The following RPS6KA2 variants were observed in gnomAD, a reference collection of about 807,000 sequenced individuals.
The protein encoded by RPS6KA2 is ribosomal protein S6 kinase A2.
RPS6KA2 carries 42 observed loss-of-function variants against 91.8 expected under a neutral mutation model. That is an observed-to-expected ratio of 0.46 (90% CI 0.36 to 0.59). The LOEUF is 0.59. Among genes scored for constraint, RPS6KA2 ranks in the 20% least tolerant of loss-of-function variants. The pLI, the probability that RPS6KA2 is intolerant of heterozygous loss-of-function variation, is 0.00. For missense variants in RPS6KA2, 798 were observed against 978.5 expected (o/e 0.82, Z 2.46); for synonymous variants, 414 against 393.6 (o/e 1.05, Z -0.61).
At chr6:166,487,893 C>A (rs185918329) in intron 10 of RPS6KA2, among the ~76,000 whole-genome samples, 1 of 152,318 alleles carries the variant, frequency 6.6e-6, no homozygotes, top group East Asian at 1.9e-4. Flanking sequence ...CACTTTCAAT[C>A]ACTGAAGGAT....
Position 166,418,553 on chromosome 6 carries a change from G to A in RPS6KA2, c.1821-211C>T, listed in dbSNP as rs955476129. ...AGCAATTGGGTGGCTAGAGGTTGATGGGCAAGTGGGAGAGCCCTGTGAGAC... is the reference window on the plus strand; with the variant it reads ...AGCAATTGGGTGGCTAGAGGTTGATAGGCAAGTGGGAGAGCCCTGTGAGAC... On this transcript the variant is annotated intron_variant, in intron 18 of 20. Transcript: ENST00000265678. This position sits in a 1 kb window ranked among gnomAD's most constrained non-coding sequence, Gnocchi z 4.9. Among the ~76,000 whole-genome samples, 2 of 152,194 alleles carry A rather than the reference G, an allele frequency of 1.3e-5. No individual in the cohort carries two copies. The highest frequency in any genetic ancestry group is 2.4e-5 in the African/African-American group (1 of 41,440).
At chr6:166,510,990 C>T (rs1203600735) in intron 3 of RPS6KA2, among the ~76,000 whole-genome samples, 3 of 152,044 alleles carry the variant, frequency 2.0e-5, no homozygotes, top group African/African-American at 4.8e-5. Flanking sequence ...TGCTCATTTG[C>T]TTTCTAAAAC....
In RPS6KA2 at chr6:166,596,626, T is replaced by C. The variant is rs188733256; in HGVS notation, c.99+30295A>G. 5.3e-5 allele frequency among the ~76,000 whole-genome samples: 8 copies of C among 152,310 alleles called. No individual in the cohort carries two copies. The East Asian group carries it at 1.5e-3, about 29-fold the overall frequency. On this transcript the variant is annotated intron_variant, in intron 1 of 20. Coordinates refer to ENST00000265678, the MANE Select transcript of RPS6KA2 (RefSeq NM_021135.6). Reference sequence around the variant, plus strand: ...AAGGCTGCACTGTAGTCTTCCCTAATTTTGAGGTTTTGGGACTCAGACTGA... The same window carrying C: ...AAGGCTGCACTGTAGTCTTCCCTAACTTTGAGGTTTTGGGACTCAGACTGA...
intron 1 of RPS6KA2, among the ~76,000 whole-genome samples, chr6:166,566,550 G>A (rs3778397): frequency 0.041 from 6,212 of 152,284 alleles, 211 homozygotes; most frequent in Admixed American, 0.1. Context: ...ACAGGTGCAG[G>A]GGGTGGCCCT....
At chr6:166,556,042 A>G (rs1278256309) in intron 1 of RPS6KA2, among the ~76,000 whole-genome samples, 1 of 152,154 alleles carries the variant, frequency 6.6e-6, no homozygotes, top group African/African-American at 2.4e-5. Context: ...CTGGGGTAAG[A>G]AGATGCAATT....
chr6:166,675,959 G>T (rs912897815), intron 2 of RPS6KA2, among the ~76,000 whole-genome samples: 1 of 152,126 alleles, frequency 6.6e-6, no homozygotes, highest in Non-Finnish European at 1.5e-5. Context: ...GCTGTCAATC[G>T]TCATAACAGA....
chr6:166,579,649 T>C (rs1279218446), intron 1 of RPS6KA2, among the ~76,000 whole-genome samples: 1 of 152,196 alleles, frequency 6.6e-6, no homozygotes, highest in Non-Finnish European at 1.5e-5. Flanking sequence ...GGAAACGCCA[T>C]GTGTCATGTT....
intron 2 of RPS6KA2, among the ~76,000 whole-genome samples, chr6:166,693,290 G>C (rs1327613852): frequency 6.6e-6 from 1 of 152,224 alleles, no homozygotes; most frequent in Non-Finnish European, 1.5e-5. Flanking sequence ...CTCCACTCCT[G>C]AGAAGGCTGC....
intron 2 of RPS6KA2, among the ~76,000 whole-genome samples, chr6:166,537,411 C>T (rs16899098): frequency 1.3e-5 from 2 of 152,186 alleles, no homozygotes; most frequent in East Asian, 1.9e-4. Flanking sequence ...CTATTAACAT[C>T]GTGAGAAACT....
intron 5 of RPS6KA2, among the ~76,000 whole-genome samples, chr6:166,507,397 A>ACC (rs1782272507): frequency 7.7e-6 from 1 of 130,172 alleles, no homozygotes; most frequent in African/African-American, 3.1e-5. Flanking sequence ...CACCCACCCC[A>ACC]CATCACACAT....
chr6:166,526,460 C>A (rs577237007), intron 3 of RPS6KA2, among the ~76,000 whole-genome samples: 1 of 151,730 alleles, frequency 6.6e-6, no homozygotes, highest in East Asian at 1.9e-4. Flanking sequence ...ATCCTCCCAC[C>A]TCAGCCTCCC....
intron 1 of RPS6KA2, among the ~76,000 whole-genome samples, chr6:166,588,292 T>C (rs1268391941): frequency 6.6e-6 from 1 of 152,144 alleles, no homozygotes; most frequent in African/African-American, 2.4e-5. Context: ...AAACAGCCTA[T>C]GAGTGTGTGC....
In RPS6KA2 at chr6:166,448,378, G is replaced by A. The variant is rs909140039; in HGVS notation, c.1332+346C>T. Among the ~76,000 whole-genome samples the A allele has an allele frequency of 5.3e-5, 8 of 152,120 alleles. No individual in the cohort carries two copies. Among genetic ancestry groups the A allele is most frequent in the African/African-American group, 1.7e-4 (7 of 41,412 alleles). ...GCTACGAAAGGTGCTCAGTCCCTGC[G>A]TGGTACATATGACTGAAAATATTCA... On this transcript the variant is annotated intron_variant, in intron 14 of 20. Transcript: ENST00000265678. This position sits in a 1 kb window ranked among gnomAD's most constrained non-coding sequence, Gnocchi z 4.7.
chr6:166,675,362 C>A (rs1021551981), intron 2 of RPS6KA2, among the ~76,000 whole-genome samples: 2 of 152,226 alleles, frequency 1.3e-5, no homozygotes, highest in African/African-American at 4.8e-5. Context: ...CTCCCCCAGC[C>A]CAACCTGCCA....
At chr6:166,711,229 C>G (rs1296155697) in intron 2 of RPS6KA2, among the ~76,000 whole-genome samples, 1 of 150,438 alleles carries the variant, frequency 6.6e-6, no homozygotes, top group Non-Finnish European at 1.5e-5. Flanking sequence ...CAACTTCCTT[C>G]ATTGCAGTAA....
rs560046544 is a variant in RPS6KA2, at chr6:166,432,550, G to A, written c.1333-60C>T. On this transcript the variant is annotated intron_variant, in intron 14 of 20. Coordinates refer to ENST00000265678, the MANE Select transcript of RPS6KA2 (RefSeq NM_021135.6). ...TACTTTAGGCTTTCGGGTGGTATCT[G>A]CTGGTGGACCATTGAGTTTGGATAA... 2.6e-4 allele frequency: 269 copies of A among 1,030,986 alleles called. 5 individuals are homozygous for A. In the South Asian group the frequency reaches 3.5e-3, roughly 14 times the overall value. 63.9% of individuals were successfully genotyped at this position (1,030,986 alleles called of 1,614,324 possible). A position where few individuals can be genotyped will look rare whatever the true frequency, so the allele number is the denominator to read the frequency against.
At chr6:166,694,209 A>T (rs779435025) in intron 2 of RPS6KA2, among the ~76,000 whole-genome samples, 1 of 152,206 alleles carries the variant, frequency 6.6e-6, no homozygotes, top group Non-Finnish European at 1.5e-5. Context: ...AAGGAATTTC[A>T]CTTGGCAGAT....
intron 1 of RPS6KA2, among the ~76,000 whole-genome samples, chr6:166,620,038 T>C (rs1306262161): frequency 6.6e-6 from 1 of 152,166 alleles, no homozygotes; most frequent in African/African-American, 2.4e-5. Context: ...GTGGCCAAGA[T>C]GTCTTGGTGC....
intron 3 of RPS6KA2, among the ~76,000 whole-genome samples, chr6:166,529,242 T>TA (rs1783170607): frequency 6.6e-6 from 1 of 152,136 alleles, no homozygotes; most frequent in African/African-American, 2.4e-5. Flanking sequence ...TATGCAGCCA[T>TA]AAAAAAGGAT....
Sources: allele counts gnomAD v4.1 joint callset (sites outside exome capture counted in the v4.1 genomes callset), GRCh38; gene constraint gnomAD v4.1.1; non-coding constraint Gnocchi (gnomAD v3.1); transcripts MANE v1.5; gene names NCBI Gene and HGNC (gene_info 2026-07-23, HGNC 2026-07-21).